The following NFATC2 variants were observed in gnomAD, a reference collection of about 807,000 sequenced individuals.
The protein encoded by NFATC2 is nuclear factor of activated T-cells, cytoplasmic 2.
Under a neutral mutation model 87.3 loss-of-function variants are expected in NFATC2, and 22 were observed. The observed-to-expected ratio is 0.25, with a 90% CI of 0.18 to 0.36. The LOEUF is 0.36. NFATC2 is among the 10% of genes least tolerant of loss of function. The probability of loss-of-function intolerance (pLI) is 1.00; values close to 1 mark genes in which losing one functional copy is unlikely to be tolerated. For synonymous variants in NFATC2, 565 were observed against 542.2 expected (o/e 1.04, Z -0.58); for missense variants, 1,149 against 1,259.1 (o/e 0.91, Z 1.32).
intron 5 of NFATC2, among the ~76,000 whole-genome samples, chr20:51,464,148 G>T (rs925169969): frequency 6.6e-6 from 1 of 152,166 alleles, no homozygotes; most frequent in African/African-American, 2.4e-5. Flanking sequence ...GCAGTGACAG[G>T]GTGGCAGCCA....
At chr20:51,526,415 T>G (rs1444638274) in intron 1 of NFATC2, among the ~76,000 whole-genome samples, 1 of 152,184 alleles carries the variant, frequency 6.6e-6, no homozygotes, top group Non-Finnish European at 1.5e-5. Flanking sequence ...AAATATTTAC[T>G]CCTTGGCCCT....
At chr20:51,474,206 G>C in intron 4 of NFATC2, 54 bp from the exon 5 acceptor site, 2 of 1,592,464 alleles carry the variant, frequency 1.3e-6, no homozygotes, top group African/African-American at 1.3e-5. Flanking sequence ...GAGCAGGAAA[G>C]ATCACCCCCA....
At chr20:51,483,195 C>T (rs1315775489) in intron 3 of NFATC2, among the ~76,000 whole-genome samples, 3 of 151,720 alleles carry the variant, frequency 2.0e-5, no homozygotes, top group African/African-American at 4.8e-5. Flanking sequence ...GCAAGTGGCA[C>T]GTCTCTGAAA....
At chr20:51,430,693 CCT>C (rs1343245630) in intron 9 of NFATC2, among the ~76,000 whole-genome samples, 2 of 152,174 alleles carry the variant, frequency 1.3e-5, no homozygotes, top group Non-Finnish European at 2.9e-5. Context: ...CCCCAGATAA[CCT>C]GGCTTGTCAA....
chr20:51,457,802 C>T (rs544376756), intron 5 of NFATC2, among the ~76,000 whole-genome samples: 1 of 151,842 alleles, frequency 6.6e-6, no homozygotes, highest in African/African-American at 2.4e-5. Context: ...TGCGCACTAT[C>T]AAGTTTGAGA....
At chr20:51,485,831 C>T (rs578035765) in intron 3 of NFATC2, among the ~76,000 whole-genome samples, 1 of 152,148 alleles carries the variant, frequency 6.6e-6, no homozygotes, top group Non-Finnish European at 1.5e-5. Context: ...AACTTTCATT[C>T]ATATTTTTTC....
intron 8 of NFATC2, among the ~76,000 whole-genome samples, chr20:51,433,874 G>A (rs551798188): frequency 2.6e-5 from 4 of 152,076 alleles, no homozygotes; most frequent in East Asian, 1.9e-4. Flanking sequence ...ATTGTCCCTC[G>A]AGGTGCCATT....
chr20:51,464,165 C>T (rs148134726), intron 5 of NFATC2, among the ~76,000 whole-genome samples: 10 of 152,234 alleles, frequency 6.6e-5, no homozygotes, highest in South Asian at 2.1e-4. Flanking sequence ...GCCAGAGGTA[C>T]GTAAAGCCTG....
At chr20:51,486,953 C>T (rs1179851656) in intron 3 of NFATC2, among the ~76,000 whole-genome samples, 1 of 152,136 alleles carries the variant, frequency 6.6e-6, no homozygotes, top group Non-Finnish European at 1.5e-5. Context: ...AGTTTACAAT[C>T]TTGAGATTGA....
chr20:51,540,542 T>A (rs949774620), intron 1 of NFATC2, among the ~76,000 whole-genome samples: 1 of 152,036 alleles, frequency 6.6e-6, no homozygotes, highest in African/African-American at 2.4e-5. Context: ...ACCATACTAA[T>A]GTAAAACATT....
At position 51,474,030 on chromosome 20, in the gene NFATC2, G is replaced by T. The variant is rs774584684; in HGVS notation, c.1658C>A (p.Ser553Tyr). 4 of 1,614,244 alleles carry T rather than the reference G, an allele frequency of 2.5e-6. No homozygotes were observed. The highest frequency in any genetic ancestry group is 3.4e-6 in the Non-Finnish European group (4 of 1,180,052). ...CTGTAAAGAGACGATTCTGCCACTG[G>T]ACTCTGGGATGTGAACTCGGAAAAC... ...RLVFRVHIPE[S>Y]SGRIVSLQTA... The change falls in exon 5 of 11, where the codon TCC (serine) becomes TAC (tyrosine). Residue 553 changes from serine (S) to tyrosine (Y), a missense_variant. Around this residue, in one of 3 missense-constraint regions of NFATC2, gnomAD observed 581 missense variants for 649.7 expected, o/e 0.89. Coordinates refer to ENST00000371564, the MANE Select transcript of NFATC2 (RefSeq NM_012340.5).
At chr20:51,482,171 C>T (rs543142348) in intron 3 of NFATC2, among the ~76,000 whole-genome samples, 66 of 152,100 alleles carry the variant, frequency 4.3e-4, no homozygotes, top group African/African-American at 1.4e-3. Context: ...AAATCCACCC[C>T]ACCAGCTCAG....
intron 5 of NFATC2, among the ~76,000 whole-genome samples, chr20:51,468,382 T>C (rs1987889573): frequency 2.0e-5 from 3 of 152,194 alleles, no homozygotes; most frequent in Admixed American, 2.0e-4. Flanking sequence ...AAAAATCCAC[T>C]TTCTAACCCA....
At chr20:51,555,046 T>C (rs1386772733) in intron 1 of NFATC2, among the ~76,000 whole-genome samples, 2 of 152,250 alleles carry the variant, frequency 1.3e-5, no homozygotes, top group African/African-American at 4.8e-5. Flanking sequence ...GAAAGCTCTA[T>C]GGACTGGGAG....
intron 6 of NFATC2, among the ~76,000 whole-genome samples, chr20:51,451,796 G>A (rs1262191706): frequency 6.6e-6 from 1 of 152,182 alleles, no homozygotes; most frequent in African/African-American, 2.4e-5. Flanking sequence ...CCTTAGGAGA[G>A]TCTAATGCCT....
chr20:51,482,276 C>A (rs1035319914), intron 3 of NFATC2, among the ~76,000 whole-genome samples: 5 of 152,072 alleles, frequency 3.3e-5, no homozygotes, highest in African/African-American at 1.2e-4. Context: ...CTGCCTGCCA[C>A]CAAATTCAAG....
At chr20:51,551,326 C>G (rs1174237124) in intron 1 of NFATC2, among the ~76,000 whole-genome samples, 1 of 152,188 alleles carries the variant, frequency 6.6e-6, no homozygotes. Flanking sequence ...GGGTCAGTAA[C>G]AGTCCATGTG....
intron 1 of NFATC2, among the ~76,000 whole-genome samples, chr20:51,526,323 G>A (rs2076545192): frequency 6.6e-6 from 1 of 152,156 alleles, no homozygotes. Flanking sequence ...TTGACACAGG[G>A]TGAACAAAGC....
rs374939266 is a variant in NFATC2 at position 51,388,752 on chromosome 20, C to T, written c.*2744G>A. On this transcript the variant is annotated 3_prime_UTR_variant, in exon 11 of 11. Transcript: ENST00000371564. The stretch of plus-strand genomic sequence containing the variant: ...TGGAAATATACTACATTCAGCAACA[C>T]GGTAGACCTGTCAGAGTGCTACATA... 23 of 152,320 alleles carry T rather than the reference C, an allele frequency of 1.5e-4. 1 individual carries two copies. The highest frequency in any genetic ancestry group is 4.6e-4 in the African/African-American group (19 of 41,560). 9.4% of individuals were successfully genotyped at this position (152,320 alleles called of 1,614,324 possible). A position where few individuals can be genotyped will look rare whatever the true frequency, so the allele number is the denominator to read the frequency against.
Sources: allele counts gnomAD v4.1 joint callset (sites outside exome capture counted in the v4.1 genomes callset), GRCh38; gene constraint gnomAD v4.1.1; regional missense constraint gnomAD v4.1.1; transcripts MANE v1.5; gene names NCBI Gene and HGNC (gene_info 2026-07-23, HGNC 2026-07-21).